The following PAK3 variants were observed in gnomAD, a reference collection of about 807,000 sequenced individuals.
The protein encoded by PAK3 is p21 (RAC1) activated kinase 3.
In PAK3, 4 loss-of-function variants were observed where a neutral mutation model predicts 41.0. That is an observed-to-expected ratio of 0.10 (90% CI 0.05 to 0.22). The LOEUF is 0.22. PAK3 is among the 10% of genes least tolerant of loss of function. The pLI is 1.00. For synonymous variants in PAK3, 146 were observed against 139.6 expected (o/e 1.05, Z -0.32); for missense variants, 205 against 409.9 (o/e 0.50, Z 4.32).
intron 16 of PAK3, among the ~76,000 whole-genome samples, chrX:111,215,135 ATCCT>A (rs2094863969): frequency 8.9e-6 from 1 of 111,746 alleles, no homozygotes; most frequent in African/African-American, 3.3e-5. Flanking sequence ...AAACTGCGTG[ATCCT>A]TCAAAGCAAG....
Position 110,955,905 on chromosome X carries a change from A to C in PAK3, c.-28+11277A>C, listed in dbSNP as rs144261728. 9.3e-3 allele frequency among the ~76,000 whole-genome samples: 1,045 copies of C among 112,101 alleles called. 15 individuals are homozygous for C. Among genetic ancestry groups the C allele is most frequent in the African/African-American group, 0.032 (980 of 30,849 alleles). On this transcript the variant is annotated intron_variant, in intron 1 of 14. Transcript: ENST00000425146. ...CCTGGCAAAAGAGCTGTTTTGGAGCAAAAAAGAGGGTAGGGTAAAGGTTAA... is the reference window on the plus strand; with the variant it reads ...CCTGGCAAAAGAGCTGTTTTGGAGCCAAAAAGAGGGTAGGGTAAAGGTTAA...
Position 110,959,314 on chromosome X carries a change from T to G in PAK3, c.-28+14686T>G, listed in dbSNP as rs187563229. Among the ~76,000 whole-genome samples, 201 of 112,156 alleles carry G rather than the reference T, an allele frequency of 1.8e-3. 3 individuals are homozygous for G. In the East Asian group the frequency reaches 0.049, roughly 28 times the overall value. Reference sequence around the variant, plus strand: ...TTAATTCCCCATAATGCCTCTCCATTTCTGCAATCCACTGCCACTACCCCA... The same window carrying G: ...TTAATTCCCCATAATGCCTCTCCATGTCTGCAATCCACTGCCACTACCCCA... On this transcript the variant is annotated intron_variant, in intron 1 of 14. Transcript: ENST00000425146.
At chrX:111,046,498 A>G (rs749829056) in intron 1 of PAK3, among the ~76,000 whole-genome samples, 35 of 111,934 alleles carry the variant, frequency 3.1e-4, no homozygotes, top group African/African-American at 1.1e-3. Flanking sequence ...TAGAATGCTT[A>G]GAAAAGTATA....
chrX:110,998,018 G>A (rs1263309317), intron 1 of PAK3, among the ~76,000 whole-genome samples: 1 of 111,794 alleles, frequency 8.9e-6, no homozygotes, highest in Non-Finnish European at 1.9e-5. Context: ...GTGCTATCCA[G>A]TTTATGGTAT....
At chrX:111,128,731 A>G (rs2149030995) in intron 5 of PAK3, among the ~76,000 whole-genome samples, 2 of 112,423 alleles carry the variant, frequency 1.8e-5, no homozygotes, top group South Asian at 7.4e-4. Flanking sequence ...GTGATTTGAA[A>G]CATATCTGAA....
At position 111,163,457 on chromosome X, in the gene PAK3, G is replaced by A. The variant is rs774860924; in HGVS notation, c.601-105G>A. ...TACTCAAAGTCCTTTTTTTTTTTAAGAAAATACCACTTGTCTTTAAAAATT... is the reference window on the plus strand; with the variant it reads ...TACTCAAAGTCCTTTTTTTTTTTAAAAAAATACCACTTGTCTTTAAAAATT... On this transcript the variant is annotated intron_variant, in intron 9 of 17. Coordinates refer to ENST00000372007, the MANE Select transcript of PAK3 (RefSeq NM_002578.5). 8 of 590,853 alleles carry A rather than the reference G, an allele frequency of 1.4e-5. No individual in the cohort carries two copies. The East Asian group carries it at 2.0e-4, about 15-fold the overall frequency. The allele number at this position is 590,853 out of a possible 1,213,427, so 48.7% of individuals were successfully genotyped here.
intron 16 of PAK3, among the ~76,000 whole-genome samples, chrX:111,199,809 A>T (rs908980724): frequency 8.9e-6 from 1 of 111,885 alleles, no homozygotes; most frequent in African/African-American, 3.2e-5. Flanking sequence ...AAAGAGAAAA[A>T]CTTCATTTCA....
chrX:111,088,991 T>A (rs1409298104), intron 1 of PAK3, among the ~76,000 whole-genome samples: 3 of 111,803 alleles, frequency 2.7e-5, no homozygotes, highest in African/African-American at 9.8e-5. Flanking sequence ...CAGAAAGGGA[T>A]GAGCCCGAGA....
chrX:110,980,178 A>G (rs1395860421), intron 1 of PAK3, among the ~76,000 whole-genome samples: 1 of 111,863 alleles, frequency 8.9e-6, no homozygotes, highest in African/African-American at 3.3e-5. Context: ...ATGTTATTAA[A>G]GGGTTCCTAT....
chrX:111,160,621 C>G (rs1318892315), intron 8 of PAK3, among the ~76,000 whole-genome samples: 1 of 108,694 alleles, frequency 9.2e-6, no homozygotes, highest in Non-Finnish European at 1.9e-5. Context: ...CCCCGCTCCC[C>G]CCACCCCACA....
chrX:111,171,147 T>C (rs2094334554), intron 10 of PAK3, among the ~76,000 whole-genome samples: 2 of 110,825 alleles, frequency 1.8e-5, no homozygotes, highest in African/African-American at 6.6e-5. Flanking sequence ...TAAGAAGTAT[T>C]GAAAGCCCGA....
At chrX:111,058,385 CATGAGACGGT>C (rs2092624240) in intron 1 of PAK3, among the ~76,000 whole-genome samples, 2 of 111,457 alleles carry the variant, frequency 1.8e-5, no homozygotes, top group African/African-American at 6.5e-5. Flanking sequence ...TGTTAGTGGG[CATGAGACGGT>C]ATCTTATTGT....
chrX:111,214,158 A>T (rs1019848923), intron 16 of PAK3, among the ~76,000 whole-genome samples: 4 of 112,243 alleles, frequency 3.6e-5, no homozygotes, highest in African/African-American at 1.3e-4. Flanking sequence ...CTAGAGAAGC[A>T]TATGGCATTG....
chrX:111,204,219 C>A (rs951769611), intron 16 of PAK3, among the ~76,000 whole-genome samples: 11 of 111,320 alleles, frequency 9.9e-5, no homozygotes, highest in African/African-American at 3.6e-4. Flanking sequence ...GCAGACAGCT[C>A]AAACTGGTGA....
At chrX:111,155,062 A>G (rs1315700966) in intron 8 of PAK3, among the ~76,000 whole-genome samples, 1 of 110,827 alleles carries the variant, frequency 9.0e-6, no homozygotes, top group Non-Finnish European at 1.9e-5. Flanking sequence ...AGAAAAAAAA[A>G]TGATGATCTC....
intron 16 of PAK3, among the ~76,000 whole-genome samples, chrX:111,201,809 A>G (rs183850980): frequency 9.0e-6 from 1 of 110,889 alleles, no homozygotes; most frequent in Admixed American, 9.7e-5. Flanking sequence ...CACAGTGTCC[A>G]GTTCACTGTA....
intron 5 of PAK3, among the ~76,000 whole-genome samples, chrX:111,139,469 T>A (rs1407008742): frequency 8.9e-6 from 1 of 112,055 alleles, no homozygotes; most frequent in African/African-American, 3.3e-5. Context: ...GGATCATAAT[T>A]TTTTTTCATT....
chrX:111,022,618 A>T (rs1415683026), intron 1 of PAK3, among the ~76,000 whole-genome samples: 4 of 111,559 alleles, frequency 3.6e-5, no homozygotes, highest in Non-Finnish European at 5.6e-5. Context: ...CAATAATACC[A>T]TGAAAAAAAA....
chrX:111,058,866 C>T (rs1315477750), intron 1 of PAK3, among the ~76,000 whole-genome samples: 1 of 111,426 alleles, frequency 9.0e-6, no homozygotes, highest in Non-Finnish European at 1.9e-5. Context: ...AAAATTTATT[C>T]TTTTGCATGT....
Sources: allele counts gnomAD v4.1 joint callset (sites outside exome capture counted in the v4.1 genomes callset), GRCh38; gene constraint gnomAD v4.1.1; transcripts MANE v1.5; gene names NCBI Gene and HGNC (gene_info 2026-07-23, HGNC 2026-07-21).